Variants in THSD7B observed in about 807,000 individuals in gnomAD.
THSD7B encodes the protein thrombospondin type-1 domain-containing protein 7B.
A neutral mutation model predicts 213.6 loss-of-function variants in THSD7B; 138 were observed. The observed-to-expected ratio is 0.65, with a 90% CI of 0.56 to 0.74. THSD7B has a LOEUF of 0.74. Ranked by LOEUF, THSD7B falls within the 30% of genes least tolerant of loss-of-function variation. The pLI is 0.00. For missense variants in THSD7B, 1,931 were observed against 1,991.5 expected (o/e 0.97, Z 0.58); for synonymous variants, 742 against 687.0 (o/e 1.08, Z -1.25).
rs182016911 is a variant in THSD7B, at chr2:137,411,250, G to A, written c.2696-359G>A. Among the ~76,000 whole-genome samples, 460 of 152,300 alleles carry A rather than the reference G, an allele frequency of 3.0e-3. 1 individual carries two copies. Among genetic ancestry groups the A allele is most frequent in the Non-Finnish European group, 5.6e-3 (380 of 68,018 alleles). On this transcript the variant is annotated intron_variant, in intron 13 of 27. Coordinates refer to ENST00000409968, the MANE Select transcript of THSD7B (RefSeq NM_001316349.2). ...TAGATGCTTTCATTGGTTCCCTGGC[G>A]ATCGTTAGTCAAGGAGAATGGGGAC...
intron 10 of THSD7B, among the ~76,000 whole-genome samples, chr2:137,269,420 GT>G (rs1682682389): frequency 6.6e-6 from 1 of 152,240 alleles, no homozygotes; most frequent in Non-Finnish European, 1.5e-5. Context: ...TGCATGTTCA[GT>G]GTAAAAGGGA....
At chr2:137,596,924 G>C (rs1026186914) in intron 17 of THSD7B, among the ~76,000 whole-genome samples, 4 of 152,092 alleles carry the variant, frequency 2.6e-5, no homozygotes, top group African/African-American at 9.7e-5. Flanking sequence ...AGGGATGCTA[G>C]AGAATGTGTA....
intron 15 of THSD7B, among the ~76,000 whole-genome samples, chr2:137,528,273 G>T (rs1014958769): frequency 5.9e-5 from 9 of 152,024 alleles, no homozygotes; most frequent in African/African-American, 2.2e-4. Context: ...GAAGGAGGAG[G>T]AGTCAGACAG....
chr2:136,940,727 A>ATAAT (rs1553459490), intron 2 of THSD7B, among the ~76,000 whole-genome samples: 112 of 48,016 alleles, frequency 2.3e-3, no homozygotes, highest in Non-Finnish European at 3.1e-3. Flanking sequence ...ATATATATAT[A>ATAAT]ATATATATAT....
chr2:137,380,274 C>G (rs968024744), intron 12 of THSD7B, among the ~76,000 whole-genome samples: 1 of 149,542 alleles, frequency 6.7e-6, no homozygotes, highest in African/African-American at 2.5e-5. Flanking sequence ...AAAAAAATAG[C>G]CACGCATGGT....
chr2:137,427,330 T>C (rs72847191), intron 14 of THSD7B, among the ~76,000 whole-genome samples: 1 of 152,002 alleles, frequency 6.6e-6, no homozygotes, highest in East Asian at 1.9e-4. Flanking sequence ...AAAATCACTA[T>C]CTCAAAGAGA....
At chr2:137,286,528 T>G (rs1683185403) in intron 12 of THSD7B, among the ~76,000 whole-genome samples, 1 of 152,154 alleles carries the variant, frequency 6.6e-6, no homozygotes, top group Non-Finnish European at 1.5e-5. Flanking sequence ...GACACCATAG[T>G]CACTTAACGT....
chr2:137,659,427 G>A (rs1001031232), intron 24 of THSD7B, among the ~76,000 whole-genome samples: 15 of 152,020 alleles, frequency 9.9e-5, no homozygotes, highest in African/African-American at 3.6e-4. Context: ...GAATCACATC[G>A]CCAATAAACA....
At chr2:136,892,960 C>T (rs1683889856) in intron 2 of THSD7B, among the ~76,000 whole-genome samples, 1 of 152,112 alleles carries the variant, frequency 6.6e-6, no homozygotes, top group Non-Finnish European at 1.5e-5. Context: ...TATATCTTCT[C>T]GACCTTTCTC....
chr2:137,214,131 G>A (rs982503687), intron 7 of THSD7B, among the ~76,000 whole-genome samples: 3 of 151,978 alleles, frequency 2.0e-5, no homozygotes, highest in Admixed American at 6.6e-5. Flanking sequence ...ATAATAACTC[G>A]TTCATTTTTG....
intron 17 of THSD7B, among the ~76,000 whole-genome samples, chr2:137,593,275 A>T (rs373844092): frequency 2.6e-5 from 4 of 152,036 alleles, no homozygotes; most frequent in African/African-American, 9.6e-5. Flanking sequence ...ATTTCTCTTA[A>T]GCACATATTT....
chr2:137,416,421 G>T (rs1686800677), intron 14 of THSD7B, among the ~76,000 whole-genome samples: 1 of 152,214 alleles, frequency 6.6e-6, no homozygotes, highest in African/African-American at 2.4e-5. Flanking sequence ...ATTGCAGGAA[G>T]TATTTTCCTT....
intron 6 of THSD7B, among the ~76,000 whole-genome samples, chr2:137,162,529 G>C (rs1204079659): frequency 6.6e-6 from 1 of 152,096 alleles, no homozygotes; most frequent in Non-Finnish European, 1.5e-5. Context: ...GAAAAAAAAT[G>C]AGGTACTGGT....
At position 137,325,271 on chromosome 2, in the gene THSD7B, GA is replaced by G. The variant is rs1490373419; in HGVS notation, c.2500+49248del. On this transcript the variant is annotated intron_variant, in intron 12 of 27. Coordinates refer to ENST00000409968, the MANE Select transcript of THSD7B (RefSeq NM_001316349.2). ...TGAAAAGAAAGCTCTGAACTGAAGT[GA>G]AAGCAAGCAGTTAACCTCACTTTGA... Among the ~76,000 whole-genome samples, 3 of 152,178 alleles carry G rather than the reference GA, an allele frequency of 2.0e-5. No individual in the cohort carries two copies. In the East Asian group the frequency reaches 5.8e-4, roughly 29 times the overall value.
intron 1 of THSD7B, among the ~76,000 whole-genome samples, chr2:136,770,081 G>C (rs1209936748): frequency 6.6e-6 from 1 of 152,196 alleles, no homozygotes; most frequent in Non-Finnish European, 1.5e-5. Flanking sequence ...TTGTGTCCTA[G>C]TGTTATGTTA....
intron 3 of THSD7B, among the ~76,000 whole-genome samples, chr2:137,082,519 A>G (rs1220355303): frequency 1.3e-5 from 2 of 152,150 alleles, no homozygotes; most frequent in Non-Finnish European, 2.9e-5. Context: ...CTATAACAAC[A>G]AGAGCTCTCA....
At chr2:137,057,675 T>G (rs1183598187) in intron 3 of THSD7B, among the ~76,000 whole-genome samples, 3 of 152,236 alleles carry the variant, frequency 2.0e-5, no homozygotes, top group Non-Finnish European at 2.9e-5. Flanking sequence ...ATTTGTTTAC[T>G]TTTGTTTCCA....
chr2:136,942,139 C>G (rs1353966276), intron 2 of THSD7B, among the ~76,000 whole-genome samples: 1 of 152,162 alleles, frequency 6.6e-6, no homozygotes, highest in Non-Finnish European at 1.5e-5. Context: ...TCAGATTTGT[C>G]AAATATCAGA....
intron 7 of THSD7B, among the ~76,000 whole-genome samples, chr2:137,200,466 T>G (rs1217035198): frequency 6.6e-6 from 1 of 152,146 alleles, no homozygotes; most frequent in Non-Finnish European, 1.5e-5. Flanking sequence ...TTGTTTATTT[T>G]TAAAGAACAT....
Sources: gnomAD v4.1 joint callset for allele counts (sites outside exome capture counted in the v4.1 genomes callset) on GRCh38, gnomAD v4.1.1 for gene constraint, MANE v1.5 for transcripts, NCBI Gene and HGNC (gene_info 2026-07-23, HGNC 2026-07-21) for gene names.